Variants in LINGO2 observed in about 807,000 individuals in gnomAD.
LINGO2 encodes the protein leucine rich repeat and Ig domain containing 2.
In LINGO2, 14 loss-of-function variants were observed where a neutral mutation model predicts 30.6. The ratio of observed to expected loss-of-function variants is 0.46; its 90% CI spans 0.30 to 0.72. The LOEUF is 0.72. Ranked by LOEUF, LINGO2 falls within the 30% of genes least tolerant of loss-of-function variation. The pLI, the probability that LINGO2 is intolerant of heterozygous loss-of-function variation, is 0.07. For missense variants in LINGO2, 729 were observed against 751.7 expected (o/e 0.97, Z 0.35); for synonymous variants, 317 against 288.5 (o/e 1.10, Z -1.00).
the LINGO2 span, among the ~76,000 whole-genome samples, chr9:29,080,126 GT>G: frequency 4.6e-5 from 7 of 152,036 alleles, no homozygotes; most frequent in African/African-American, 1.7e-4. Flanking sequence ...TTCAGACCCT[GT>G]TTTTGGTCTA....
chr9:28,029,689 C>A (rs969066454), intron 4 of LINGO2, among the ~76,000 whole-genome samples: 9 of 151,798 alleles, frequency 5.9e-5, no homozygotes, highest in African/African-American at 2.2e-4. Context: ...AATAATTAGT[C>A]AAAACTAATA....
chr9:29,038,989 A>T, the LINGO2 span, among the ~76,000 whole-genome samples: 1 of 152,188 alleles, frequency 6.6e-6, no homozygotes, highest in African/African-American at 2.4e-5. Context: ...GTCAGGTACC[A>T]ATCAGTGACT....
intron 1 of LINGO2, among the ~76,000 whole-genome samples, chr9:28,568,004 A>C (rs956563814): frequency 6.6e-6 from 1 of 152,044 alleles, no homozygotes; most frequent in African/African-American, 2.4e-5. Flanking sequence ...CCAGGGAGTG[A>C]GAAATTCCTA....
At chr9:28,894,274 C>A in the LINGO2 span, among the ~76,000 whole-genome samples, 2 of 151,958 alleles carry the variant, frequency 1.3e-5, no homozygotes, top group Non-Finnish European at 2.9e-5. Flanking sequence ...CCCAGTTTGA[C>A]AATTTTATTC....
At chr9:27,973,035 C>T (rs950369645) in intron 5 of LINGO2, among the ~76,000 whole-genome samples, 1 of 152,114 alleles carries the variant, frequency 6.6e-6, no homozygotes, top group Non-Finnish European at 1.5e-5. Context: ...TATGGGAGCT[C>T]CTTGTTCTCA....
chr9:28,381,963 A>C (rs1442837472), intron 2 of LINGO2, among the ~76,000 whole-genome samples: 2 of 152,048 alleles, frequency 1.3e-5, no homozygotes, highest in African/African-American at 4.8e-5. Context: ...AGCATATTAC[A>C]ATCAGGATAT....
At chr9:29,129,712 G>T in the LINGO2 span, among the ~76,000 whole-genome samples, 1 of 152,002 alleles carries the variant, frequency 6.6e-6, no homozygotes, top group East Asian at 1.9e-4. Context: ...CTTTAAAAGG[G>T]GGTTATTTAT....
At chr9:29,089,054 G>A in the LINGO2 span, among the ~76,000 whole-genome samples, 1 of 151,986 alleles carries the variant, frequency 6.6e-6, no homozygotes, top group East Asian at 1.9e-4. Context: ...AGTCTGACAT[G>A]TCCTTAAAAC....
chr9:28,221,187 G>C (rs1820949031), intron 4 of LINGO2, among the ~76,000 whole-genome samples: 1 of 150,930 alleles, frequency 6.6e-6, no homozygotes, highest in Non-Finnish European at 1.5e-5. Context: ...TAAGGTCCCA[G>C]CTACTTGGAG....
chr9:28,864,378 C>T, the LINGO2 span, among the ~76,000 whole-genome samples: 4 of 152,080 alleles, frequency 2.6e-5, no homozygotes, highest in African/African-American at 9.6e-5. Flanking sequence ...ATATTAGGTT[C>T]AACTCTGAAA....
chr9:28,511,011 T>C lies in LINGO2; in HGVS notation c.-364-34986A>G, dbSNP rs1011516867. Among the ~76,000 whole-genome samples the C allele has an allele frequency of 2.6e-5, 4 of 152,020 alleles. No individual in the cohort carries two copies. The East Asian group carries it at 5.8e-4, about 22-fold the overall frequency. The stretch of plus-strand genomic sequence containing the variant: ...GTTTTTTTGCCTCCTTTATGTTTGA[T>C]GGCAGCTGATTAGACTGTGCCCACT... On this transcript the variant is annotated intron_variant, in intron 1 of 5. Transcript: ENST00000379992.
intron 4 of LINGO2, among the ~76,000 whole-genome samples, chr9:28,159,471 A>ACTT (rs1828226371): frequency 6.6e-6 from 1 of 152,096 alleles, no homozygotes; most frequent in African/African-American, 2.4e-5. Context: ...ATTGACAAAT[A>ACTT]ATACTTATAT....
the LINGO2 span, among the ~76,000 whole-genome samples, chr9:28,732,190 A>G: frequency 6.6e-6 from 1 of 152,116 alleles, no homozygotes. Flanking sequence ...GAAAAAATCA[A>G]AACTTAATAC....
chr9:28,516,616 A>C (rs1820628638), intron 1 of LINGO2, among the ~76,000 whole-genome samples: 1 of 152,226 alleles, frequency 6.6e-6, no homozygotes, highest in Non-Finnish European at 1.5e-5. Flanking sequence ...ACTTCATAGA[A>C]ATGAAATTTT....
At chr9:28,361,109 T>C (rs978173143) in intron 3 of LINGO2, among the ~76,000 whole-genome samples, 6 of 152,212 alleles carry the variant, frequency 3.9e-5, no homozygotes, top group African/African-American at 1.4e-4. Context: ...GGATCCACAC[T>C]GTCTGTGCTA....
chr9:28,132,279 T>C (rs1342162647), intron 4 of LINGO2, among the ~76,000 whole-genome samples: 1 of 152,224 alleles, frequency 6.6e-6, no homozygotes, highest in African/African-American at 2.4e-5. Flanking sequence ...CTAATTGTTT[T>C]GTGTAAGTAT....
At chr9:28,181,089 G>A (rs1314412099) in intron 4 of LINGO2, among the ~76,000 whole-genome samples, 1 of 152,092 alleles carries the variant, frequency 6.6e-6, no homozygotes, top group Non-Finnish European at 1.5e-5. Context: ...AGGGTAAGCT[G>A]TTACAGCTGG....
chr9:28,997,650 C>T, the LINGO2 span, among the ~76,000 whole-genome samples: 18 of 152,056 alleles, frequency 1.2e-4, no homozygotes, highest in South Asian at 1.0e-3. Context: ...AGTGAGACCC[C>T]GTCTCTCTTA....
At chr9:28,385,541 T>C (rs1821543367) in intron 2 of LINGO2, among the ~76,000 whole-genome samples, 1 of 152,128 alleles carries the variant, frequency 6.6e-6, no homozygotes, top group Admixed American at 6.6e-5. Flanking sequence ...TCTGGGCAAA[T>C]AAAATTAGGC....
Sources: gnomAD v4.1 joint callset for allele counts (sites outside exome capture counted in the v4.1 genomes callset) on GRCh38, gnomAD v4.1.1 for gene constraint, MANE v1.5 for transcripts, NCBI Gene and HGNC (gene_info 2026-07-23, HGNC 2026-07-21) for gene names.